The following ZHX2 variants were observed in gnomAD, a reference collection of about 807,000 sequenced individuals.
ZHX2 encodes the protein zinc fingers and homeoboxes protein 2.
Under a neutral mutation model 21.9 loss-of-function variants are expected in ZHX2, and 6 were observed. The ratio of observed to expected loss-of-function variants is 0.27; its 90% CI spans 0.15 to 0.54. ZHX2 has a LOEUF of 0.54. Among genes scored for constraint, ZHX2 ranks in the 20% least tolerant of loss-of-function variants. ZHX2 has a pLI of 0.95. For synonymous variants in ZHX2, 434 were observed against 437.1 expected, an observed-to-expected ratio of 0.99 and a Z score of 0.09; for missense variants, 908 against 1,090.7, an observed-to-expected ratio of 0.83 and a Z score of 2.36.
intron 1 of ZHX2, among the ~76,000 whole-genome samples, chr8:122,834,535 A>T (rs1784894762): frequency 6.6e-6 from 1 of 152,236 alleles, no homozygotes. Context: ...CCCTGATGGC[A>T]GAGGTAAGCA....
chr8:122,824,365 C>T (rs762006924), intron 1 of ZHX2, among the ~76,000 whole-genome samples: 16 of 152,148 alleles, frequency 1.1e-4, no homozygotes, highest in Non-Finnish European at 1.6e-4. Flanking sequence ...ACAAACAGGG[C>T]CTAGGAAATG....
chr8:122,951,238 A>T (rs1813101471), intron 2 of ZHX2, 54 bp from the exon 3 acceptor site: 1 of 394,968 alleles, frequency 2.5e-6, no homozygotes, highest in African/African-American at 2.0e-5. Context: ...AAGAAGTGCC[A>T]GTTTCTTTTG....
intron 1 of ZHX2, among the ~76,000 whole-genome samples, chr8:122,830,936 G>C (rs1346677021): frequency 6.6e-6 from 1 of 152,174 alleles, no homozygotes; most frequent in African/African-American, 2.4e-5. Flanking sequence ...TTTAAGGACA[G>C]GGTTAATTTT....
intron 1 of ZHX2, among the ~76,000 whole-genome samples, chr8:122,797,850 C>T (rs2130560376): frequency 6.6e-6 from 1 of 152,298 alleles, no homozygotes; most frequent in South Asian, 2.1e-4. Flanking sequence ...CTAATTACTG[C>T]CAGCACTAAT....
At chr8:122,914,663 C>T (rs1820556117) in intron 2 of ZHX2, among the ~76,000 whole-genome samples, 1 of 152,224 alleles carries the variant, frequency 6.6e-6, no homozygotes, top group East Asian at 1.9e-4. Context: ...CTTTATTCAA[C>T]AGTGGACTTC....
chr8:122,824,860 A>G (rs1818228759), intron 1 of ZHX2, among the ~76,000 whole-genome samples: 1 of 152,176 alleles, frequency 6.6e-6, no homozygotes, highest in South Asian at 2.1e-4. Context: ...CTGGAGGAGA[A>G]TCATTTTCTT....
intron 1 of ZHX2, among the ~76,000 whole-genome samples, chr8:122,840,409 C>T (rs148215616): frequency 6.6e-6 from 1 of 152,312 alleles, no homozygotes; most frequent in Non-Finnish European, 1.5e-5. Context: ...CCAGGTTTAA[C>T]TTCTCTGTGC....
Position 122,952,234 on chromosome 8 carries a change from G to T in ZHX2, c.724G>T (p.Val242Phe), listed in dbSNP as rs773366774. The change falls in exon 3 of 4, where the codon GTC (valine) becomes TTC (phenylalanine). Residue 242 changes from valine (V) to phenylalanine (F), a missense_variant. Around this residue, in one of 4 missense-constraint regions of ZHX2, gnomAD observed 232 missense variants for 361.8 expected, o/e 0.64. Coordinates refer to ENST00000314393, the MANE Select transcript of ZHX2 (RefSeq NM_014943.5). The surrounding 1 kb of genome is among the most constrained non-coding windows in gnomAD (Gnocchi z 6.9). ...VELLQDTLGH[V>F]MPSVQLPPNI... ...GCTCCTCCAAGACACATTAGGACAC[G>T]TCATGCCTTCTGTACAGCTGCCACC... The T allele has an allele frequency of 6.2e-7, 1 of 1,613,836 alleles. No homozygotes were observed. The highest frequency in any genetic ancestry group is 8.5e-7 in the Non-Finnish European group (1 of 1,180,012).
intron 2 of ZHX2, among the ~76,000 whole-genome samples, chr8:122,874,956 T>C (rs1475878994): frequency 6.6e-6 from 1 of 151,612 alleles, no homozygotes; most frequent in East Asian, 2.0e-4. Flanking sequence ...CTTGGGCAGG[T>C]CACCCCACCT....
chr8:122,855,492 G>A (rs1304831997), intron 1 of ZHX2, among the ~76,000 whole-genome samples: 1 of 152,106 alleles, frequency 6.6e-6, no homozygotes, highest in East Asian at 1.9e-4. Context: ...AGGGAGAGAT[G>A]GACTTCCAAA....
Position 122,827,375 on chromosome 8 carries a change from C to A in ZHX2, c.-282-36102C>A, listed in dbSNP as rs148571561. ...TTTTTAACTACCGAGGATTGTTATT[C>A]ATTAATATAATTAATGATGATAACA... is the stretch of plus-strand genomic sequence containing the variant. On this transcript the variant is annotated intron_variant, in intron 1 of 3. Transcript: ENST00000314393. 3.7e-3 allele frequency among the ~76,000 whole-genome samples: 568 copies of A among 152,132 alleles called. 6 individuals are homozygous for A. The highest frequency in any genetic ancestry group is 0.013 in the African/African-American group (541 of 41,512).
chr8:122,951,839 A>G lies in ZHX2; in HGVS notation c.329A>G (p.Tyr110Cys). ...QHPNVILNPLYVCAECNFTTK... is the reference protein window; with the variant it reads ...QHPNVILNPLCVCAECNFTTK... The stretch of plus-strand genomic sequence containing the variant: ...CCCAACGTGATTCTCAACCCCCTCT[A>G]CGTGTGTGCAGAATGTAACTTCACA... Residue 110 changes from tyrosine (Y) to cysteine (C), a missense_variant, in exon 3 of 4, where the codon TAC (tyrosine) becomes TGC (cysteine). This residue lies in a region of ZHX2 where 220 missense variants were observed against 251.4 expected (regional missense o/e 0.88). Coordinates refer to ENST00000314393, the MANE Select transcript of ZHX2 (RefSeq NM_014943.5). 1 of 1,614,068 alleles carries G rather than the reference A, an allele frequency of 6.2e-7. No individual in the cohort carries two copies. Among genetic ancestry groups the G allele is most frequent in the South Asian group, 1.1e-5 (1 of 91,070 alleles).
chr8:122,918,935 A>G (rs1014635059), intron 2 of ZHX2, among the ~76,000 whole-genome samples: 1 of 151,178 alleles, frequency 6.6e-6, no homozygotes, highest in Non-Finnish European at 1.5e-5. Flanking sequence ...TGACCGAGCA[A>G]GACTCCACCT....
chr8:122,969,246 G>T (rs1813661423), intron 3 of ZHX2, among the ~76,000 whole-genome samples: 1 of 152,090 alleles, frequency 6.6e-6, no homozygotes, highest in Non-Finnish European at 1.5e-5. Flanking sequence ...GGGGCAGGGG[G>T]ATGTGGGGAA....
chr8:122,859,025 A>AT (rs1293998526), intron 1 of ZHX2, among the ~76,000 whole-genome samples: 1 of 152,192 alleles, frequency 6.6e-6, no homozygotes, highest in East Asian at 1.9e-4. Context: ...GTGGCCTTGG[A>AT]TTCCCCTCCA....
chr8:122,839,426 C>T lies in ZHX2; in HGVS notation c.-282-24051C>T, dbSNP rs1328016338. On this transcript the variant is annotated intron_variant, in intron 1 of 3. Coordinates refer to ENST00000314393, the MANE Select transcript of ZHX2 (RefSeq NM_014943.5). ...CACCCTCGGTGTGAAGTGGCAGAGG[C>T]CTGCCCGGCTCGTATCCTCAGATGA... Among the ~76,000 whole-genome samples, 5 of 152,186 alleles carry T rather than the reference C, an allele frequency of 3.3e-5. No individual in the cohort carries two copies. The East Asian group carries it at 7.7e-4, about 23-fold the overall frequency.
rs578102761 is a variant in ZHX2, at chr8:122,952,145, T to C, written c.635T>C (p.Val212Ala). 125 of 1,607,580 alleles carry C rather than the reference T, an allele frequency of 7.8e-5. No individual in the cohort carries two copies. The South Asian group carries it at 1.2e-3, about 16-fold the overall frequency. The change falls in exon 3 of 4, where the codon GTG becomes GCG. Residue 212 changes from valine (V) to alanine (A), a missense_variant. Coordinates refer to ENST00000314393, the MANE Select transcript of ZHX2 (RefSeq NM_014943.5). The surrounding 1 kb of genome is among the most constrained non-coding windows in gnomAD (Gnocchi z 6.9). ...GAGGAGATCACCCCCGAGAACCACG[T>C]GGAAGGGACCGCCCGCCTGGTGACA... ...KPEEITPENH[V>A]EGTARLVTDT... is the part of the protein sequence containing the mutation.
At chr8:122,954,246 G>A (rs535370865) in intron 3 of ZHX2, among the ~76,000 whole-genome samples, 10 of 152,256 alleles carry the variant, frequency 6.6e-5, no homozygotes, top group African/African-American at 2.4e-4. Flanking sequence ...GCTGATTCCC[G>A]TATGCATTAC....
chr8:122,881,635 G>C (rs530311810), intron 2 of ZHX2, among the ~76,000 whole-genome samples: 1 of 152,168 alleles, frequency 6.6e-6, no homozygotes, highest in Non-Finnish European at 1.5e-5. Context: ...TTGGGGCATG[G>C]GGGTGAAACC....
Sources: gnomAD v4.1 joint callset for allele counts (sites outside exome capture counted in the v4.1 genomes callset) on GRCh38, gnomAD v4.1.1 for gene constraint, gnomAD v4.1.1 regional missense constraint, Gnocchi (gnomAD v3.1) non-coding constraint, MANE v1.5 for transcripts, NCBI Gene and HGNC (gene_info 2026-07-23, HGNC 2026-07-21) for gene names.